The following DNAH3 variants were observed in gnomAD, a reference collection of about 807,000 sequenced individuals.
DNAH3 encodes axonemal beta dynein heavy chain 3.
Under a neutral mutation model 432.5 loss-of-function variants are expected in DNAH3, and 332 were observed. The ratio of observed to expected loss-of-function variants is 0.77; its 90% CI spans 0.70 to 0.84. The LOEUF is 0.84. Ranked by LOEUF, DNAH3 falls within the 40% of genes least tolerant of loss-of-function variation. The pLI is 0.00. For synonymous variants in DNAH3, 1,956 were observed against 1,900.2 expected (o/e 1.03, Z -0.76); for missense variants, 4,861 against 5,114.0 (o/e 0.95, Z 1.51).
intron 18 of DNAH3, among the ~76,000 whole-genome samples, chr16:21,090,332 G>T (rs1314529437): frequency 6.7e-6 from 1 of 149,682 alleles, no homozygotes; most frequent in East Asian, 1.9e-4. Context: ...ATTTTAACAG[G>T]TCAGTGATAC....
intron 47 of DNAH3, among the ~76,000 whole-genome samples, chr16:20,986,615 C>G (rs990843616): frequency 2.0e-5 from 3 of 152,136 alleles, no homozygotes; most frequent in Non-Finnish European, 4.4e-5. Flanking sequence ...GTACGGTCCC[C>G]AGAAAAGACA....
rs142936984 is a variant in DNAH3 at position 20,965,318 on chromosome 16, T to G, written c.8566A>C (p.Met2856Leu). The G allele has an allele frequency of 1.9e-5, 30 of 1,611,988 alleles. No individual in the cohort carries two copies. The highest frequency in any genetic ancestry group is 2.4e-5 in the Non-Finnish European group (28 of 1,178,624). ...ATAAACCTTTCCCGGATCCGCTTCA[T>G]GGTCAGTGGGGGGATGTTGTCTTTG... Residue 2856 changes from methionine (M) to leucine (L), a missense_variant, in exon 53 of 62, where the codon ATG becomes CTG. Coordinates refer to ENST00000261383, the Ensembl canonical transcript of DNAH3.
chr16:21,093,559 T>C (rs575359873), intron 18 of DNAH3, among the ~76,000 whole-genome samples: 2 of 152,186 alleles, frequency 1.3e-5, no homozygotes, highest in Non-Finnish European at 2.9e-5. Flanking sequence ...TTTTTTGGTA[T>C]GTATAGACAA....
chr16:21,042,191 A>G (rs1246838321), exon 32 of DNAH3: 1 of 1,604,014 alleles, frequency 6.2e-7, no homozygotes, highest in Admixed American at 1.7e-5. Flanking sequence ...GCGACCACAG[A>G]CAGCACTTCT....
intron 36 of DNAH3, among the ~76,000 whole-genome samples, chr16:21,033,172 T>C (rs2088977008): frequency 6.6e-6 from 1 of 152,118 alleles, no homozygotes; most frequent in South Asian, 2.1e-4. Context: ...AAATTAGTTA[T>C]TAAGGCTAGG....
chr16:21,054,679 A>AG, intron 27 of DNAH3, 145 bp from the exon 28 acceptor site: 1 of 619,992 alleles, frequency 1.6e-6, no homozygotes, highest in African/African-American at 1.8e-5. Context: ...TCCTTACCCC[A>AG]GTCCTTAATC....
chr16:20,951,793 T>G (rs1401214994), intron 56 of DNAH3, among the ~76,000 whole-genome samples: 1 of 138,262 alleles, frequency 7.2e-6, no homozygotes, highest in East Asian at 2.2e-4. Context: ...CAGGCTAGAA[T>G]GCAGTGGCGC....
intron 26 of DNAH3, 113 bp from the exon 27 acceptor site, chr16:21,058,309 C>T: frequency 1.7e-6 from 1 of 602,068 alleles, no homozygotes. Context: ...AATCTTCCCC[C>T]ATCCTCAGAC....
At chr16:21,083,862 G>A (rs778732874) in intron 19 of DNAH3, among the ~76,000 whole-genome samples, 13 of 152,136 alleles carry the variant, frequency 8.5e-5, no homozygotes, top group Non-Finnish European at 1.8e-4. Context: ...GGGGCAGTCC[G>A]GAGAGTATCT....
chr16:20,996,598 A>G (rs1262837879), intron 44 of DNAH3, among the ~76,000 whole-genome samples: 1 of 152,118 alleles, frequency 6.6e-6, no homozygotes, highest in Non-Finnish European at 1.5e-5. Context: ...TAGCTGGACT[A>G]CAGGCACAAG....
chr16:20,997,026 C>A (rs1362224815), intron 44 of DNAH3: 5 of 402,262 alleles, frequency 1.2e-5, no homozygotes, highest in Non-Finnish European at 2.2e-5. Context: ...GCTGGCCACA[C>A]TGAACTCTCC....
chr16:21,063,123 T>A (rs2090422090), intron 24 of DNAH3: 1 of 157,842 alleles, frequency 6.3e-6, no homozygotes, highest in Non-Finnish European at 1.4e-5. Flanking sequence ...GGATGGGTGC[T>A]ATCAGTTGAA....
chr16:21,058,887 T>G lies in DNAH3; in HGVS notation c.3814-691A>C, dbSNP rs1457398507. Among the ~76,000 whole-genome samples, 7 of 144,302 alleles carry G rather than the reference T, an allele frequency of 4.9e-5. No homozygotes were observed. The Admixed American group carries it at 4.9e-4, about 10-fold the overall frequency. The allele number at this position is 144,302 out of a possible 152,430, so 94.7% of individuals were successfully genotyped here. ...AACATTAGGACAAATACCTAATGCA[T>G]GCGGGGCTTAAAACCTATACGATGG... is the stretch of plus-strand genomic sequence containing the variant. On this transcript the variant is annotated intron_variant, in intron 26 of 61. Transcript: ENST00000261383.
chr16:20,970,921 G>C, intron 51 of DNAH3, among the ~76,000 whole-genome samples: 1 of 143,340 alleles, frequency 7.0e-6, no homozygotes, highest in East Asian at 2.1e-4. Context: ...CTGGACTGTA[G>C]CAGCGGTGCT....
intron 58 of DNAH3, among the ~76,000 whole-genome samples, chr16:20,944,216 T>C (rs946963217): frequency 2.0e-5 from 3 of 150,894 alleles, no homozygotes; most frequent in Non-Finnish European, 3.0e-5. Flanking sequence ...AAAAAAAGAA[T>C]AAAACCCATT....
chr16:21,031,585 G>A (rs2088875506), intron 36 of DNAH3, among the ~76,000 whole-genome samples: 1 of 148,316 alleles, frequency 6.7e-6, no homozygotes, highest in Non-Finnish European at 1.5e-5. Flanking sequence ...CTGAGCAACA[G>A]AATGAAGCCG....
chr16:21,146,792 G>C (rs970720037), intron 1 of DNAH3, among the ~76,000 whole-genome samples: 17 of 143,314 alleles, frequency 1.2e-4, no homozygotes, highest in Admixed American at 7.1e-4. Context: ...ATGGAGTCTT[G>C]CTCTGTCACC....
exon 37 of DNAH3, chr16:21,031,242 G>A (rs1035268832): frequency 1.9e-6 from 3 of 1,614,086 alleles, no homozygotes; most frequent in African/African-American, 2.7e-5. Flanking sequence ...ATAGCCTTGG[G>A]GTTGATGATC....
exon 10 of DNAH3, chr16:21,122,105 T>C (rs755095256): frequency 6.2e-7 from 1 of 1,611,508 alleles, no homozygotes; most frequent in Non-Finnish European, 8.5e-7. Flanking sequence ...TTGGTAGGGC[T>C]CCTTAAAATC....
Sources: gnomAD v4.1 joint callset for allele counts (sites outside exome capture counted in the v4.1 genomes callset) on GRCh38, gnomAD v4.1.1 for gene constraint, MANE v1.5 for transcripts, NCBI Gene and HGNC (gene_info 2026-07-23, HGNC 2026-07-21) for gene names.